UBE3D: variants seen among roughly 807,000 people sequenced by gnomAD.
UBE3D encodes ubiquitin protein ligase E3D.
A neutral mutation model predicts 49.6 loss-of-function variants in UBE3D; 48 were observed. The observed-to-expected ratio is 0.97, with a 90% CI of 0.77 to 1.23. The LOEUF (loss-of-function observed/expected upper bound fraction) is 1.23, where lower values mean the gene tolerates loss of function less well. UBE3D is among the 50% of genes most tolerant of loss of function. The probability of loss-of-function intolerance (pLI) is 0.00; values close to 1 mark genes in which losing one functional copy is unlikely to be tolerated. For missense variants in UBE3D, 452 were observed against 468.4 expected (o/e 0.96, Z 0.32); for synonymous variants, 189 against 174.2 (o/e 1.08, Z -0.67).
At chr6:83,017,173 T>G (rs962434188) in intron 8 of UBE3D, 2 of 152,208 alleles carry the variant, frequency 1.3e-5, no homozygotes, top group African/African-American at 4.8e-5. Flanking sequence ...TGATAATATA[T>G]TCAATTCATT....
chr6:83,034,387 G>A (rs755877931), intron 5 of UBE3D, among the ~76,000 whole-genome samples: 21 of 152,042 alleles, frequency 1.4e-4, no homozygotes, highest in Non-Finnish European at 2.4e-4. Flanking sequence ...TTCCTGCAGT[G>A]AATAACTGCT....
chr6:82,933,150 C>T (rs1011087345), intron 9 of UBE3D, among the ~76,000 whole-genome samples: 6 of 152,130 alleles, frequency 3.9e-5, no homozygotes, highest in Admixed American at 3.3e-4. Flanking sequence ...CAGTATGACT[C>T]TCTAGGCCTT....
At chr6:83,005,167 G>A (rs1471242811) in intron 8 of UBE3D, among the ~76,000 whole-genome samples, 1 of 152,080 alleles carries the variant, frequency 6.6e-6, no homozygotes, top group African/African-American at 2.4e-5. Context: ...TTAAAAAGGG[G>A]CAAAGGACTT....
At chr6:82,990,758 T>C (rs1778829498) in intron 8 of UBE3D, among the ~76,000 whole-genome samples, 1 of 152,196 alleles carries the variant, frequency 6.6e-6, no homozygotes, top group Admixed American at 6.5e-5. Context: ...GATTCAGTAA[T>C]GTGACCGTAC....
chr6:82,895,124 A>G (rs1364580298), intron 9 of UBE3D, among the ~76,000 whole-genome samples: 1 of 152,098 alleles, frequency 6.6e-6, no homozygotes, highest in African/African-American at 2.4e-5. Context: ...ACAGCCTGCC[A>G]ATATGGTAAA....
intron 8 of UBE3D, among the ~76,000 whole-genome samples, chr6:83,001,165 C>T (rs1779608214): frequency 6.6e-6 from 1 of 152,190 alleles, no homozygotes; most frequent in Non-Finnish European, 1.5e-5. Context: ...TCTTCATGGA[C>T]TCCTATCCTG....
the UBE3D span, among the ~76,000 whole-genome samples, chr6:82,884,350 A>G: frequency 6.6e-6 from 1 of 152,192 alleles, no homozygotes; most frequent in East Asian, 1.9e-4. Context: ...GGAGATCATC[A>G]GCACCAAATG....
chr6:82,963,190 C>CTTT (rs5877828), intron 8 of UBE3D, among the ~76,000 whole-genome samples: 1,600 of 123,048 alleles, frequency 0.013, 15 homozygotes, highest in Admixed American at 0.019. Context: ...AAGTTTTCAT[C>CTTT]TTTTTTTTTT....
At chr6:82,906,601 TG>T (rs940062156) in intron 9 of UBE3D, among the ~76,000 whole-genome samples, 2 of 152,176 alleles carry the variant, frequency 1.3e-5, no homozygotes, top group Non-Finnish European at 2.9e-5. Context: ...CCAAGAAACA[TG>T]GTTCCTTTTA....
At chr6:82,950,478 GAATT>G (rs1368559056) in intron 9 of UBE3D, among the ~76,000 whole-genome samples, 2 of 152,048 alleles carry the variant, frequency 1.3e-5, no homozygotes, top group Non-Finnish European at 2.9e-5. Context: ...ACAAAAAATA[GAATT>G]ACCAGCTGGG....
At chr6:82,894,578 C>T (rs774844514) in intron 9 of UBE3D, among the ~76,000 whole-genome samples, 1 of 152,142 alleles carries the variant, frequency 6.6e-6, no homozygotes, top group African/African-American at 2.4e-5. Flanking sequence ...TTCTGTAGAG[C>T]CGCCAACTCC....
At chr6:83,041,295 T>A (rs958373004) in intron 4 of UBE3D, among the ~76,000 whole-genome samples, 2 of 152,224 alleles carry the variant, frequency 1.3e-5, no homozygotes, top group Non-Finnish European at 2.9e-5. Flanking sequence ...TGCTTGTTTT[T>A]AAAATAAGAT....
At chr6:82,886,358 G>A in the UBE3D span, among the ~76,000 whole-genome samples, 1 of 152,106 alleles carries the variant, frequency 6.6e-6, no homozygotes, top group Non-Finnish European at 1.5e-5. Flanking sequence ...ATGCAATTCA[G>A]AACAAGGTTC....
chr6:82,901,592 C>G (rs1011951181), intron 9 of UBE3D, among the ~76,000 whole-genome samples: 10 of 152,102 alleles, frequency 6.6e-5, no homozygotes, highest in African/African-American at 2.4e-4. Flanking sequence ...AAACCATCCT[C>G]GAGAAGGGAA....
At chr6:82,931,942 G>A (rs906406863) in intron 9 of UBE3D, among the ~76,000 whole-genome samples, 7 of 152,064 alleles carry the variant, frequency 4.6e-5, no homozygotes, top group African/African-American at 7.2e-5. Context: ...GGAGGGACCC[G>A]GTGTGAGGTA....
chr6:83,044,748 C>A, intron 3 of UBE3D, 89 bp from the exon 4 acceptor site: 1 of 1,102,780 alleles, frequency 9.1e-7, no homozygotes, highest in South Asian at 1.5e-5. Flanking sequence ...GAAAGAAACT[C>A]ATTAACCACA....
At chr6:82,885,161 G>GA in the UBE3D span, among the ~76,000 whole-genome samples, 24,883 of 144,218 alleles carry the variant, frequency 0.17, 2,492 homozygotes, top group Admixed American at 0.37. Flanking sequence ...AAGTAGAATA[G>GA]AAAAAAAAAA....
At chr6:82,919,179 G>C (rs1395012605) in intron 9 of UBE3D, among the ~76,000 whole-genome samples, 1 of 152,084 alleles carries the variant, frequency 6.6e-6, no homozygotes, top group African/African-American at 2.4e-5. Context: ...ACAGCTTCCA[G>C]AGGCAAGGGA....
chr6:82,946,393 A>G (rs1471209493), intron 9 of UBE3D, among the ~76,000 whole-genome samples: 3 of 152,168 alleles, frequency 2.0e-5, no homozygotes, highest in South Asian at 4.1e-4. Context: ...AATTTACCCT[A>G]GAGTAGTATA....
Sources: allele counts gnomAD v4.1 joint callset (sites outside exome capture counted in the v4.1 genomes callset), GRCh38; gene constraint gnomAD v4.1.1; transcripts MANE v1.5; gene names NCBI Gene and HGNC (gene_info 2026-07-23, HGNC 2026-07-21).